Variants in FAAH2 observed in about 807,000 individuals in gnomAD.
The protein encoded by FAAH2 is fatty acid amide hydrolase 2.
In FAAH2, 60 loss-of-function variants were observed where a neutral mutation model predicts 36.9. The ratio of observed to expected loss-of-function variants is 1.63; its 90% CI spans 1.32 to 2.02. The LOEUF is 2.02. Among genes scored for constraint, FAAH2 ranks in the 30% most tolerant of loss-of-function variants. FAAH2 has a pLI of 0.00. For synonymous variants in FAAH2, 214 were observed against 143.8 expected, an observed-to-expected ratio of 1.49 and a Z score of -3.49; for missense variants, 689 against 397.5, an observed-to-expected ratio of 1.73 and a Z score of -6.23.
intron 10 of FAAH2, among the ~76,000 whole-genome samples, chrX:57,461,348 A>G (rs1179111270): frequency 1.8e-5 from 2 of 111,710 alleles, no homozygotes; most frequent in East Asian, 5.6e-4. Flanking sequence ...TCAGCAGAAT[A>G]CATTCTTCCT....
intron 4 of FAAH2, among the ~76,000 whole-genome samples, chrX:57,334,641 C>CT (rs1024321499): frequency 3.6e-5 from 4 of 111,090 alleles, no homozygotes; most frequent in Non-Finnish European, 7.5e-5. Flanking sequence ...GTGATTATAG[C>CT]TTGTCTATGA....
intron 7 of FAAH2, among the ~76,000 whole-genome samples, chrX:57,389,293 C>T (rs5960966): frequency 0.33 from 31,429 of 94,492 alleles, 4,338 homozygotes; most frequent in Middle Eastern, 0.62. Flanking sequence ...CACACACACA[C>T]ATATATATAT....
Position 57,331,610 on chromosome X carries a change from C to A in FAAH2, c.425C>A (p.Ser142Tyr), listed in dbSNP as rs138519476. Residue 142 changes from serine to tyrosine, a missense_variant, in exon 4 of 11, where the codon TCT becomes TAT. Coordinates refer to ENST00000374900, the MANE Select transcript of FAAH2 (RefSeq NM_174912.4). ...GTGACTCTTTTAGGAATGCCCAATT[C>A]TTCTGGACTCATGAACCGTCGTGAT... The part of the protein sequence containing the change: ...EAFQLQGMPN[S>Y]SGLMNRRDAI... The A allele has an allele frequency of 2.5e-6, 3 of 1,207,843 alleles. No individual in the cohort carries two copies. The highest frequency in any genetic ancestry group is 3.5e-5 in the African/African-American group (2 of 57,093).
chrX:57,127,134 G>A, the FAAH2 span: 1 of 110,875 alleles, frequency 9.0e-6, no homozygotes, highest in African/African-American at 3.3e-5. Context: ...ATCTTAAATG[G>A]CTTAGCGTTC....
the FAAH2 span, among the ~76,000 whole-genome samples, chrX:57,274,995 T>C: frequency 1.8e-5 from 2 of 111,914 alleles, no homozygotes; most frequent in African/African-American, 3.2e-5. Context: ...TGATTGAATA[T>C]TTAGAAAACC....
intron 5 of FAAH2, among the ~76,000 whole-genome samples, chrX:57,372,068 T>A (rs1424974303): frequency 1.1e-5 from 1 of 89,565 alleles, no homozygotes. Flanking sequence ...CTATTTTGAA[T>A]CTATGTCTTT....
chrX:57,386,681 C>A (rs2055032267), intron 7 of FAAH2, among the ~76,000 whole-genome samples: 1 of 111,860 alleles, frequency 8.9e-6, no homozygotes, highest in Non-Finnish European at 1.9e-5. Flanking sequence ...CCAAACCCTT[C>A]CCTTTACGGT....
At chrX:57,134,465 C>T in the FAAH2 span, 5 of 110,636 alleles carry the variant, frequency 4.5e-5, no homozygotes, top group Admixed American at 9.6e-5. Flanking sequence ...GATCGTTGGT[C>T]GGAGCCACCT....
At chrX:57,377,101 TG>T (rs2054702782) in intron 5 of FAAH2, among the ~76,000 whole-genome samples, 1 of 112,409 alleles carries the variant, frequency 8.9e-6, no homozygotes, top group Non-Finnish European at 1.9e-5. Context: ...TTCTGTAGGT[TG>T]CCTGCTCAAT....
chrX:57,137,871 A>G, the FAAH2 span, among the ~76,000 whole-genome samples: 2 of 110,755 alleles, frequency 1.8e-5, no homozygotes, highest in African/African-American at 6.5e-5. Context: ...GTATGTATGT[A>G]TATATATATA....
the FAAH2 span, among the ~76,000 whole-genome samples, chrX:57,151,166 C>T: frequency 8.9e-5 from 10 of 112,113 alleles, no homozygotes; most frequent in Non-Finnish European, 1.7e-4. Context: ...GTGGGTAACC[C>T]GACTTTTCTG....
At chrX:57,287,122 G>T in intron 1 of FAAH2, 105 bp downstream of exon 1, 1 of 847,690 alleles carries the variant, frequency 1.2e-6, no homozygotes, top group Non-Finnish European at 1.6e-6. Context: ...CTCTACTAGG[G>T]CGACTTAGGA....
intron 7 of FAAH2, among the ~76,000 whole-genome samples, chrX:57,426,779 A>T (rs2056172540): frequency 8.9e-6 from 1 of 111,748 alleles, no homozygotes; most frequent in Admixed American, 9.5e-5. Flanking sequence ...ATAATGTTAA[A>T]TGCCTACATC....
intron 7 of FAAH2, among the ~76,000 whole-genome samples, chrX:57,403,076 A>G (rs935802665): frequency 1.8e-5 from 2 of 111,942 alleles, no homozygotes; most frequent in African/African-American, 3.3e-5. Flanking sequence ...GAATTTACCT[A>G]GGTCTATTAT....
the FAAH2 span, among the ~76,000 whole-genome samples, chrX:57,151,470 T>A: frequency 9.0e-6 from 1 of 111,652 alleles, no homozygotes; most frequent in Non-Finnish European, 1.9e-5. Flanking sequence ...CTTTTTATTC[T>A]TTTTTCTCTA....
chrX:57,283,726 C>G (rs2051775549), upstream of FAAH2, among the ~76,000 whole-genome samples: 1 of 111,422 alleles, frequency 9.0e-6, no homozygotes, highest in African/African-American at 3.3e-5. Context: ...CTGCAGCGTG[C>G]TGGAGGCTCC....
chrX:57,232,282 G>T, the FAAH2 span, among the ~76,000 whole-genome samples: 4 of 111,195 alleles, frequency 3.6e-5, no homozygotes, highest in South Asian at 1.5e-3. Flanking sequence ...GGTGAAGTAA[G>T]GTTTATGGGA....
chrX:57,340,016 G>C (rs752265152), intron 4 of FAAH2, among the ~76,000 whole-genome samples: 3 of 111,445 alleles, frequency 2.7e-5, no homozygotes, highest in Non-Finnish European at 5.7e-5. Flanking sequence ...ACAATAGGCC[G>C]TCTGCAAGCT....
chrX:57,230,725 C>T, the FAAH2 span, among the ~76,000 whole-genome samples: 2 of 111,275 alleles, frequency 1.8e-5, no homozygotes, highest in African/African-American at 6.5e-5. Flanking sequence ...GTACTTTTTC[C>T]CAATTGTTAG....
Sources: allele counts gnomAD v4.1 joint callset (sites outside exome capture counted in the v4.1 genomes callset), GRCh38; gene constraint gnomAD v4.1.1; transcripts MANE v1.5; gene names NCBI Gene and HGNC (gene_info 2026-07-23, HGNC 2026-07-21).